The following TNNI3K variants were observed in gnomAD, a reference collection of about 807,000 sequenced individuals.
The protein encoded by TNNI3K is TNNI3 interacting kinase.
In TNNI3K, 140 loss-of-function variants were observed where a neutral mutation model predicts 114.5. That is an observed-to-expected ratio of 1.22 (90% CI 1.07 to 1.41). TNNI3K has a LOEUF of 1.41. TNNI3K is among the 40% of genes most tolerant of loss of function. TNNI3K has a pLI of 0.00. For missense variants in TNNI3K, 1,125 were observed against 1,007.6 expected, an observed-to-expected ratio of 1.12 and a Z score of -1.58; for synonymous variants, 347 against 347.5, an observed-to-expected ratio of 1.00 and a Z score of 0.02.
At chr1:74,531,311 G>A (rs1646579893) in intron 23 of TNNI3K, among the ~76,000 whole-genome samples, 1 of 152,194 alleles carries the variant, frequency 6.6e-6, no homozygotes, top group African/African-American at 2.4e-5. Context: ...AAACAGCCAG[G>A]ATGAAACCAT....
intron 5 of TNNI3K, among the ~76,000 whole-genome samples, chr1:74,272,198 G>A (rs918187642): frequency 9.9e-5 from 15 of 151,780 alleles, no homozygotes; most frequent in Non-Finnish European, 1.6e-4. Context: ...ATTATGCACC[G>A]GATACTGTTT....
At position 74,354,124 on chromosome 1, in the gene TNNI3K, A is replaced by G. The variant is rs200745780; in HGVS notation, c.1172A>G (p.Glu391Gly). The change falls in exon 11 of 25, where the codon GAA becomes GGA. Residue 391 changes from glutamate to glycine, a missense_variant. Transcript: ENST00000326637. ...DEQTCLMWAY[E>G]KGHDAIVTLL... ...CAGACATGTTTGATGTGGGCTTATG[A>G]AAAAGGTATATTTTTAATCATCGTG... is the stretch of plus-strand genomic sequence containing the variant. The G allele has an allele frequency of 7.4e-6, 12 of 1,614,010 alleles. No homozygotes were observed. The highest frequency in any genetic ancestry group is 9.3e-6 in the Non-Finnish European group (11 of 1,179,956).
intron 17 of TNNI3K, among the ~76,000 whole-genome samples, chr1:74,407,611 A>G (rs559680548): frequency 6.6e-6 from 1 of 152,204 alleles, no homozygotes; most frequent in Admixed American, 6.5e-5. Flanking sequence ...CTTCTTCTCC[A>G]TTTTGAAGTA....
rs748232152 is a variant in TNNI3K at position 74,463,458 on chromosome 1, A to G, written c.2029A>G (p.Met677Val). Residue 677 changes from methionine (M) to valine (V), a missense_variant, in exon 21 of 25, where the codon ATG (methionine) becomes GTG (valine). By Grantham distance (21) the Met-to-Val change is conservative (BLOSUM62 1). Transcript: ENST00000326637. ...GTTTGCAGCGGCTGCGGCAGCAGAC[A>G]TGGCTTACCACCACATCAGACCTCC... Reference protein sequence around the residue: ...HLKPAAAAADMAYHHIRPPIG... With the variant: ...HLKPAAAAADVAYHHIRPPIG... The G allele has an allele frequency of 2.5e-6, 4 of 1,614,234 alleles. No individual in the cohort carries two copies. The highest frequency in any genetic ancestry group is 1.3e-5 in the African/African-American group (1 of 75,066).
intron 23 of TNNI3K, among the ~76,000 whole-genome samples, chr1:74,535,796 C>T (rs3845344): frequency 0.34 from 51,149 of 152,056 alleles, 10,206 homozygotes; most frequent in East Asian, 0.65. Context: ...TGTCAGTTGT[C>T]GATATTCAGT....
intron 17 of TNNI3K, among the ~76,000 whole-genome samples, chr1:74,390,509 A>T (rs1399329098): frequency 6.6e-6 from 1 of 152,146 alleles, no homozygotes; most frequent in Non-Finnish European, 1.5e-5. Flanking sequence ...CAGTGCTTTG[A>T]GCAGTAGTGA....
At chr1:74,295,570 G>C (rs1204632102) in intron 5 of TNNI3K, among the ~76,000 whole-genome samples, 1 of 151,896 alleles carries the variant, frequency 6.6e-6, no homozygotes, top group Non-Finnish European at 1.5e-5. Flanking sequence ...ATATTTTCTT[G>C]ATTAAATGGC....
At chr1:74,238,487 TATC>T (rs1021180008) in intron 2 of TNNI3K, among the ~76,000 whole-genome samples, 3 of 152,038 alleles carry the variant, frequency 2.0e-5, no homozygotes, top group Admixed American at 1.3e-4. Flanking sequence ...ATAGAAGACT[TATC>T]ATAAAGTGAG....
intron 23 of TNNI3K, among the ~76,000 whole-genome samples, chr1:74,509,421 G>A (rs1041510280): frequency 1.3e-5 from 2 of 152,136 alleles, no homozygotes; most frequent in African/African-American, 4.8e-5. Context: ...CATAACAATA[G>A]AAAAGATTTA....
chr1:74,275,630 A>G (rs1290409447), intron 5 of TNNI3K, among the ~76,000 whole-genome samples: 2 of 152,102 alleles, frequency 1.3e-5, no homozygotes, highest in Non-Finnish European at 2.9e-5. Flanking sequence ...CAAAAATAGG[A>G]AGGAAAGAAT....
chr1:74,507,224 C>CCG (rs1553153837), intron 23 of TNNI3K, among the ~76,000 whole-genome samples: 3 of 27,074 alleles, frequency 1.1e-4, no homozygotes, highest in Non-Finnish European at 2.7e-4. Flanking sequence ...AATTTCTTCA[C>CCG]CCCCCCCCCA....
At chr1:74,450,163 C>T (rs1666922168) in intron 20 of TNNI3K, among the ~76,000 whole-genome samples, 1 of 148,576 alleles carries the variant, frequency 6.7e-6, no homozygotes. Flanking sequence ...CTACTGGGTA[C>T]ATAACGAAAT....
At chr1:74,298,588 G>A (rs1163742069) in intron 5 of TNNI3K, among the ~76,000 whole-genome samples, 3 of 152,072 alleles carry the variant, frequency 2.0e-5, no homozygotes, top group African/African-American at 7.2e-5. Flanking sequence ...CAGGTATCTG[G>A]TTAAATCATC....
At chr1:74,258,309 A>G (rs1655455826) in intron 4 of TNNI3K, among the ~76,000 whole-genome samples, 1 of 152,154 alleles carries the variant, frequency 6.6e-6, no homozygotes, top group South Asian at 2.1e-4. Flanking sequence ...CTGCTCCACA[A>G]ATACAGCCCC....
chr1:74,412,746 C>G (rs559810583), intron 17 of TNNI3K, among the ~76,000 whole-genome samples: 4 of 152,272 alleles, frequency 2.6e-5, no homozygotes, highest in African/African-American at 9.6e-5. Context: ...TCCTGAGTAG[C>G]TGGATTTACA....
At chr1:74,292,041 C>A (rs1657710398) in intron 5 of TNNI3K, among the ~76,000 whole-genome samples, 1 of 151,348 alleles carries the variant, frequency 6.6e-6, no homozygotes, top group African/African-American at 2.4e-5. Flanking sequence ...TAAAGTTGTT[C>A]AGAATAGTCT....
intron 5 of TNNI3K, among the ~76,000 whole-genome samples, chr1:74,275,342 A>G (rs1656614943): frequency 6.6e-6 from 1 of 152,092 alleles, no homozygotes; most frequent in African/African-American, 2.4e-5. Context: ...CCCCTGATCA[A>G]ACCACCAGAT....
intron 11 of TNNI3K, among the ~76,000 whole-genome samples, chr1:74,355,119 A>G (rs1178815879): frequency 6.6e-6 from 1 of 152,214 alleles, no homozygotes; most frequent in Non-Finnish European, 1.5e-5. Context: ...AAAATGCCAG[A>G]TTTTAAAGTC....
At chr1:74,543,471 T>G (rs1052158846) in intron 24 of TNNI3K, among the ~76,000 whole-genome samples, 5 of 152,218 alleles carry the variant, frequency 3.3e-5, no homozygotes, top group African/African-American at 9.6e-5. Flanking sequence ...GCCAACCTTA[T>G]GAATAAGTGC....
Sources: allele counts gnomAD v4.1 joint callset (sites outside exome capture counted in the v4.1 genomes callset), GRCh38; gene constraint gnomAD v4.1.1; transcripts MANE v1.5; gene names NCBI Gene and HGNC (gene_info 2026-07-23, HGNC 2026-07-21).